The following TECRL variants were observed in gnomAD, a reference collection of about 807,000 sequenced individuals.
TECRL encodes the protein trans-2,3-enoyl-CoA reductase like.
A neutral mutation model predicts 52.8 loss-of-function variants in TECRL; 63 were observed. The ratio of observed to expected loss-of-function variants is 1.19; its 90% CI spans 0.97 to 1.47. The LOEUF is 1.47. Among genes scored for constraint, TECRL ranks in the 40% most tolerant of loss-of-function variants. The pLI, the probability that TECRL is intolerant of heterozygous loss-of-function variation, is 0.00. For synonymous variants in TECRL, 164 were observed against 141.9 expected (o/e 1.16, Z -1.10); for missense variants, 482 against 429.6 (o/e 1.12, Z -1.08).
intron 1 of TECRL, among the ~76,000 whole-genome samples, chr4:64,398,113 G>A (rs990052901): frequency 6.6e-6 from 1 of 151,976 alleles, no homozygotes; most frequent in African/African-American, 2.4e-5. Flanking sequence ...TTTAATGGAT[G>A]TGAGAATTTT....
chr4:64,313,977 C>CAAAAAAA (rs752037972), intron 5 of TECRL, among the ~76,000 whole-genome samples: 44 of 61,958 alleles, frequency 7.1e-4, no homozygotes, highest in African/African-American at 1.5e-3. Context: ...ACTAAAAATA[C>CAAAAAAA]AAAAAAAAAA....
chr4:64,378,459 C>A (rs935606357), intron 1 of TECRL, among the ~76,000 whole-genome samples: 21 of 151,962 alleles, frequency 1.4e-4, no homozygotes, highest in South Asian at 2.1e-4. Flanking sequence ...CCCAGCTATG[C>A]TGGAACCTGG....
chr4:64,323,571 C>A (rs1235489287), intron 3 of TECRL, among the ~76,000 whole-genome samples: 1 of 152,048 alleles, frequency 6.6e-6, no homozygotes, highest in South Asian at 2.1e-4. Context: ...ATTCTGGATG[C>A]TGTGTGAAAA....
At chr4:64,299,930 C>T (rs760209648) in intron 8 of TECRL, 44 bp downstream of exon 8, 1 of 1,299,064 alleles carries the variant, frequency 7.7e-7, no homozygotes, top group African/African-American at 1.5e-5. Context: ...CTTAATAATA[C>T]CAAAATTAGA....
intron 2 of TECRL, among the ~76,000 whole-genome samples, chr4:64,341,604 TA>T (rs1018134649): frequency 2.3e-4 from 34 of 148,320 alleles, no homozygotes; most frequent in African/African-American, 5.9e-4. Context: ...AAACTCCATC[TA>T]AAAAAAAAAT....
At chr4:64,403,130 TA>T (rs1380193303) in intron 1 of TECRL, among the ~76,000 whole-genome samples, 3 of 152,064 alleles carry the variant, frequency 2.0e-5, no homozygotes, top group African/African-American at 4.8e-5. Context: ...TCTCTTTATT[TA>T]AAACACATGC....
chr4:64,338,092 C>G (rs1255597137), intron 2 of TECRL, among the ~76,000 whole-genome samples: 3 of 152,054 alleles, frequency 2.0e-5, no homozygotes, highest in Non-Finnish European at 4.4e-5. Flanking sequence ...AGATATAGAC[C>G]AATGGAACAG....
chr4:64,319,303 A>G (rs925126943), intron 4 of TECRL, among the ~76,000 whole-genome samples: 2 of 147,662 alleles, frequency 1.4e-5, no homozygotes, highest in Non-Finnish European at 3.0e-5. Flanking sequence ...GAAATTTACA[A>G]TAAAAATAGG....
chr4:64,280,066 C>G lies in TECRL; in HGVS notation c.*6G>C, dbSNP rs954718269. 6.3e-7 allele frequency: 1 copy of G among 1,585,934 alleles called. No individual in the cohort carries two copies. The highest frequency in any genetic ancestry group is 8.6e-7 in the Non-Finnish European group (1 of 1,168,374). ...GCTGTTTTCTATAGGAGATAAGATT[C>G]TTTTTTTACAATATGAATGGAATCA... is the stretch of plus-strand genomic sequence containing the variant. On this transcript the variant is annotated 3_prime_UTR_variant, in exon 12 of 12. Transcript: ENST00000381210.
At chr4:64,320,467 C>G (rs1279894692) in intron 4 of TECRL, among the ~76,000 whole-genome samples, 1 of 151,848 alleles carries the variant, frequency 6.6e-6, no homozygotes, top group Admixed American at 6.6e-5. Flanking sequence ...TCATTTGGAG[C>G]AAAAAGATGT....
At chr4:64,401,401 G>A (rs148430849) in intron 1 of TECRL, among the ~76,000 whole-genome samples, 1,591 of 151,926 alleles carry the variant, frequency 0.01, 33 homozygotes, top group African/African-American at 0.036. Context: ...TTGCTCTTTC[G>A]ACCTCAACCA....
At chr4:64,398,964 T>C (rs1414294315) in intron 1 of TECRL, among the ~76,000 whole-genome samples, 1 of 152,162 alleles carries the variant, frequency 6.6e-6, no homozygotes, top group Non-Finnish European at 1.5e-5. Context: ...GGGTGCATTG[T>C]GCCCATGCCC....
intron 4 of TECRL, among the ~76,000 whole-genome samples, chr4:64,319,309 A>T (rs1465715972): frequency 6.9e-6 from 1 of 144,622 alleles, no homozygotes; most frequent in Admixed American, 6.9e-5. Flanking sequence ...TACAATAAAA[A>T]TAGGGTATCA....
At position 64,282,133 on chromosome 4, in the gene TECRL, G is replaced by A. The variant is rs78007093; in HGVS notation, c.833-574C>T. On this transcript the variant is annotated intron_variant, in intron 9 of 11. Transcript: ENST00000381210. Reference sequence around the variant, plus strand: ...TGAGATACCACGTTTCTGTTCAGCAGTCAGGATTGATAGTTACATCTCTCA... The same window carrying A: ...TGAGATACCACGTTTCTGTTCAGCAATCAGGATTGATAGTTACATCTCTCA... Among the ~76,000 whole-genome samples, 797 of 152,040 alleles carry A rather than the reference G, an allele frequency of 5.2e-3. 2 individuals are homozygous for A. Among genetic ancestry groups the A allele is most frequent in the African/African-American group, 0.016 (666 of 41,548 alleles).
At chr4:64,310,869 C>G (rs1294296321) in intron 5 of TECRL, among the ~76,000 whole-genome samples, 1 of 152,114 alleles carries the variant, frequency 6.6e-6, no homozygotes, top group African/African-American at 2.4e-5. Flanking sequence ...CAGGACCACA[C>G]CGCCATGCCC....
At chr4:64,393,193 T>C (rs1723669839) in intron 1 of TECRL, among the ~76,000 whole-genome samples, 1 of 151,988 alleles carries the variant, frequency 6.6e-6, no homozygotes, top group African/African-American at 2.4e-5. Context: ...GCTTTTGGCA[T>C]TTAAAGTAGA....
intron 2 of TECRL, among the ~76,000 whole-genome samples, chr4:64,331,566 G>A (rs1718642780): frequency 1.3e-5 from 2 of 152,000 alleles, no homozygotes; most frequent in South Asian, 4.1e-4. Context: ...CACAAATATG[G>A]AATCTCATAG....
chr4:64,355,623 C>T (rs907194282), intron 2 of TECRL, among the ~76,000 whole-genome samples: 1 of 151,446 alleles, frequency 6.6e-6, no homozygotes, highest in African/African-American at 2.4e-5. Flanking sequence ...ACAGTGAAAC[C>T]GAGTCTCTAC....
chr4:64,307,977 TTACGAAG>T (rs1724436288), intron 6 of TECRL, among the ~76,000 whole-genome samples: 1 of 152,148 alleles, frequency 6.6e-6, no homozygotes, highest in Non-Finnish European at 1.5e-5. Flanking sequence ...ACTGGAGGAC[TTACGAAG>T]TACTAGAATT....
Sources: gnomAD v4.1 joint callset for allele counts (sites outside exome capture counted in the v4.1 genomes callset) on GRCh38, gnomAD v4.1.1 for gene constraint, MANE v1.5 for transcripts, NCBI Gene and HGNC (gene_info 2026-07-23, HGNC 2026-07-21) for gene names.